The following NSMCE2 variants were observed in gnomAD, a reference collection of about 807,000 sequenced individuals.
NSMCE2 encodes the protein NSE2 SUMO ligase component of SMC5/6 complex.
In NSMCE2, 24 loss-of-function variants were observed where a neutral mutation model predicts 23.8. That is an observed-to-expected ratio of 1.01 (90% CI 0.73 to 1.42). The LOEUF (loss-of-function observed/expected upper bound fraction) is 1.42. Ranked by LOEUF, NSMCE2 falls within the 40% of genes most tolerant of loss-of-function variation. The pLI is 0.00. For missense variants in NSMCE2, 284 were observed against 296.5 expected, an observed-to-expected ratio of 0.96 and a Z score of 0.31; for synonymous variants, 92 against 94.1, an observed-to-expected ratio of 0.98 and a Z score of 0.13.
chr8:125,351,198 C>T lies in NSMCE2; in HGVS notation c.419-6021C>T, dbSNP rs186383293. ...TCCCTGAGTCATAACTGACAAGCCA[C>T]AAAAATTGGGAACTTACATCTTGGG... is the stretch of plus-strand genomic sequence containing the variant. On this transcript the variant is annotated intron_variant, in intron 5 of 7. Transcript: ENST00000287437. 1.1e-3 allele frequency among the ~76,000 whole-genome samples: 161 copies of T among 152,244 alleles called. 1 individual carries two copies. The highest frequency in any genetic ancestry group is 1.5e-3 in the Non-Finnish European group (99 of 67,992).
At chr8:125,224,328 A>AT (rs968096432) in intron 5 of NSMCE2, among the ~76,000 whole-genome samples, 5 of 151,462 alleles carry the variant, frequency 3.3e-5, no homozygotes, top group African/African-American at 9.7e-5. Context: ...CCATTTGTCT[A>AT]TTTTTTTTAT....
At chr8:125,280,916 A>G (rs1295350382) in intron 5 of NSMCE2, among the ~76,000 whole-genome samples, 1 of 152,208 alleles carries the variant, frequency 6.6e-6, no homozygotes, top group Non-Finnish European at 1.5e-5. Context: ...TCAAATGCAT[A>G]CTTGCCTCCC....
At chr8:125,184,272 T>C (rs1822967676) in intron 5 of NSMCE2, among the ~76,000 whole-genome samples, 1 of 152,226 alleles carries the variant, frequency 6.6e-6, no homozygotes, top group African/African-American at 2.4e-5. Context: ...TTTAGAATCA[T>C]ACTCATGGAG....
At chr8:125,183,531 C>T (rs1037286901) in intron 5 of NSMCE2, among the ~76,000 whole-genome samples, 16 of 152,052 alleles carry the variant, frequency 1.1e-4, no homozygotes, top group African/African-American at 3.6e-4. Flanking sequence ...CTTAAAGATG[C>T]TAGTGAATTA....
At chr8:125,293,009 C>G (rs1828172868) in intron 5 of NSMCE2, among the ~76,000 whole-genome samples, 1 of 152,194 alleles carries the variant, frequency 6.6e-6, no homozygotes, top group South Asian at 2.1e-4. Context: ...TTACTTAAAT[C>G]TGTCCCAGGG....
Position 125,193,707 on chromosome 8 carries a change from C to T in NSMCE2, c.418+11451C>T, listed in dbSNP as rs139407563. Among the ~76,000 whole-genome samples, 18 of 152,186 alleles carry T rather than the reference C, an allele frequency of 1.2e-4. 1 individual carries two copies. In the East Asian group the frequency reaches 3.5e-3, roughly 29 times the overall value. Reference sequence around the variant, plus strand: ...AAGAGGTAAGTGTTGTAAAACAAAACAAAAAGCGTATTTCTTCTTCTAAGA... The same window carrying T: ...AAGAGGTAAGTGTTGTAAAACAAAATAAAAAGCGTATTTCTTCTTCTAAGA... On this transcript the variant is annotated intron_variant, in intron 5 of 7. Coordinates refer to ENST00000287437, the MANE Select transcript of NSMCE2 (RefSeq NM_173685.4).
chr8:125,291,906 A>C lies in NSMCE2; in HGVS notation c.419-65313A>C, dbSNP rs1322711083. Among the ~76,000 whole-genome samples the C allele has an allele frequency of 3.3e-5, 5 of 152,170 alleles. No homozygotes were observed. In the East Asian group the frequency reaches 9.6e-4, roughly 29 times the overall value. On this transcript the variant is annotated intron_variant, in intron 5 of 7. Coordinates refer to ENST00000287437, the MANE Select transcript of NSMCE2 (RefSeq NM_173685.4). The stretch of plus-strand genomic sequence containing the variant: ...TTTTTTCCTATATAAAGTTCAGTGC[A>C]GATAAAGGGGGTGTTTGTTCCATAA...
intron 5 of NSMCE2, among the ~76,000 whole-genome samples, chr8:125,289,097 CCA>C (rs1225982818): frequency 6.6e-6 from 1 of 152,152 alleles, no homozygotes; most frequent in African/African-American, 2.4e-5. Flanking sequence ...GCCTTTTCCC[CCA>C]GTCTTTAATT....
intron 5 of NSMCE2, among the ~76,000 whole-genome samples, chr8:125,326,836 A>C (rs112325176): frequency 0.012 from 1,755 of 151,772 alleles, 38 homozygotes; most frequent in African/African-American, 0.039. Flanking sequence ...GGCACTTGTA[A>C]TCCCAACTAC....
chr8:125,206,221 A>T (rs1356416911), intron 5 of NSMCE2, among the ~76,000 whole-genome samples: 1 of 152,236 alleles, frequency 6.6e-6, no homozygotes, highest in Non-Finnish European at 1.5e-5. Context: ...AGGAACAGCA[A>T]ATAAAATAAT....
At chr8:125,151,940 G>A (rs940590538) in intron 4 of NSMCE2, among the ~76,000 whole-genome samples, 1 of 152,130 alleles carries the variant, frequency 6.6e-6, no homozygotes, top group Non-Finnish European at 1.5e-5. Flanking sequence ...AACTGATTTT[G>A]TATACCTGTG....
intron 5 of NSMCE2, among the ~76,000 whole-genome samples, chr8:125,191,699 A>C (rs1823350414): frequency 6.6e-6 from 1 of 152,224 alleles, no homozygotes; most frequent in Admixed American, 6.5e-5. Context: ...GTTATGGCAG[A>C]GAGGAGGAGG....
intron 7 of NSMCE2, chr8:125,362,878 T>C (rs1354603674): frequency 6.6e-6 from 1 of 152,168 alleles, no homozygotes; most frequent in Admixed American, 6.5e-5. Flanking sequence ...TGTGGTTAAG[T>C]CCATCAGACA....
chr8:125,094,835 G>T (rs143948744), intron 1 of NSMCE2, among the ~76,000 whole-genome samples: 1 of 152,110 alleles, frequency 6.6e-6, no homozygotes, highest in Non-Finnish European at 1.5e-5. Context: ...AGTCCCTGGC[G>T]TCTCTTCCTT....
chr8:125,126,090 G>C (rs1365764030), intron 3 of NSMCE2, among the ~76,000 whole-genome samples: 1 of 152,024 alleles, frequency 6.6e-6, no homozygotes, highest in African/African-American at 2.4e-5. Context: ...ACTATAAAAG[G>C]GCAGTTAGTC....
chr8:125,166,362 G>C lies in NSMCE2; in HGVS notation c.264+15085G>C, dbSNP rs970841247. Among the ~76,000 whole-genome samples, 3 of 152,100 alleles carry C rather than the reference G, an allele frequency of 2.0e-5. No individual in the cohort carries two copies. The South Asian group carries it at 6.2e-4, about 31-fold the overall frequency. ...GCTTACTGCAACCTCTGCCTCCCAG[G>C]TTCAAGAGATTCTTGCGCCTCAGCC... On this transcript the variant is annotated intron_variant, in intron 4 of 7. Coordinates refer to ENST00000287437, the MANE Select transcript of NSMCE2 (RefSeq NM_173685.4).
intron 5 of NSMCE2, among the ~76,000 whole-genome samples, chr8:125,333,989 T>G (rs1270077359): frequency 6.6e-6 from 1 of 152,126 alleles, no homozygotes; most frequent in African/African-American, 2.4e-5. Context: ...CAGGTTTTTT[T>G]CCACTACTCC....
intron 5 of NSMCE2, among the ~76,000 whole-genome samples, chr8:125,199,486 G>A (rs1268746756): frequency 3.9e-5 from 6 of 152,210 alleles, no homozygotes; most frequent in East Asian, 3.9e-4. Flanking sequence ...GTAGTTGTGC[G>A]GTTTTAAATG....
intron 4 of NSMCE2, among the ~76,000 whole-genome samples, chr8:125,163,518 A>G (rs976349508): frequency 2.6e-5 from 4 of 152,266 alleles, no homozygotes; most frequent in African/African-American, 9.6e-5. Flanking sequence ...CAGCTTCCTC[A>G]TTTCTAAAAT....
Sources: gnomAD v4.1 joint callset for allele counts (sites outside exome capture counted in the v4.1 genomes callset) on GRCh38, gnomAD v4.1.1 for gene constraint, MANE v1.5 for transcripts, NCBI Gene and HGNC (gene_info 2026-07-23, HGNC 2026-07-21) for gene names.